OR9I1: variants seen among roughly 807,000 people sequenced by gnomAD.
The protein encoded by OR9I1 is olfactory receptor 9I1.
In OR9I1, 7 loss-of-function variants were observed where a neutral mutation model predicts 11.2. The observed-to-expected ratio is 0.62, with a 90% CI of 0.36 to 1.17. OR9I1 has a LOEUF of 1.17. Among genes scored for constraint, OR9I1 ranks in the 50% most tolerant of loss-of-function variants. OR9I1 has a pLI of 0.02. For synonymous variants in OR9I1, 165 were observed against 153.4 expected, an observed-to-expected ratio of 1.08 and a Z score of -0.56; for missense variants, 428 against 377.2, an observed-to-expected ratio of 1.13 and a Z score of -1.12.
At chr11:58,119,595 C>T in intron 2 of OR9I1, 129 bp from the exon 3 acceptor site, 2 of 590,756 alleles carry the variant, frequency 3.4e-6, no homozygotes, top group South Asian at 4.8e-5. Context: ...CTGAAACTGG[C>T]TGATTTTCCT....
chr11:58,124,380 T>C (rs1031233), intron 2 of OR9I1, 58 bp downstream of exon 2: 58,695 of 152,050 alleles, frequency 0.39, 12,331 homozygotes, highest in East Asian at 0.64. Flanking sequence ...GGAAAAAGAC[T>C]CCTCTAATTC....
intron 2 of OR9I1, among the ~76,000 whole-genome samples, chr11:58,119,942 C>T (rs1476254506): frequency 6.6e-6 from 1 of 152,166 alleles, no homozygotes; most frequent in Non-Finnish European, 1.5e-5. Context: ...ATCACTTCTT[C>T]TTATGAAAGC....
At chr11:58,122,017 A>G (rs1041597861) in intron 2 of OR9I1, among the ~76,000 whole-genome samples, 1 of 152,066 alleles carries the variant, frequency 6.6e-6, no homozygotes, top group Non-Finnish European at 1.5e-5. Flanking sequence ...CTTCCATGGG[A>G]TCCCTTTTTT....
chr11:58,118,972 A>C lies in OR9I1; in HGVS notation c.473T>G (p.Leu158Arg). The change falls in exon 3 of 3, where the codon CTG (leucine) becomes CGG (arginine). Residue 158 changes from leucine (L) to arginine (R), a missense_variant. Transcript: ENST00000641439. ...AYVCGVSGAI[L>R]RTTCTFTLSF... is the part of the protein sequence containing the mutation. ...GAGGGTGAAGGTGCAAGTGGTACGC[A>C]GGATGGCTCCTGACACCCCACAGAC... is the stretch of plus-strand genomic sequence containing the variant. 2.5e-6 allele frequency: 4 copies of C among 1,613,958 alleles called. No homozygotes were observed. The highest frequency in any genetic ancestry group is 3.4e-6 in the Non-Finnish European group (4 of 1,179,978).
intron 2 of OR9I1, among the ~76,000 whole-genome samples, chr11:58,123,979 T>G (rs1854063000): frequency 1.3e-5 from 2 of 152,194 alleles, no homozygotes; most frequent in Admixed American, 1.3e-4. Context: ...GAACCTCAAT[T>G]TTTTCAATAA....
chr11:58,121,052 A>G (rs1484669235), intron 2 of OR9I1, among the ~76,000 whole-genome samples: 1 of 152,106 alleles, frequency 6.6e-6, no homozygotes, highest in Admixed American at 6.6e-5. Flanking sequence ...ATGACTATGT[A>G]CATGCCATAC....
At chr11:58,123,320 G>T (rs536165607) in intron 2 of OR9I1, among the ~76,000 whole-genome samples, 1 of 152,124 alleles carries the variant, frequency 6.6e-6, no homozygotes, top group African/African-American at 2.4e-5. Flanking sequence ...TTCAAATCAT[G>T]AGATAACTTG....
At position 58,116,964 on chromosome 11, in the gene OR9I1, A is replaced by G. The variant is rs375605115; in HGVS notation, c.*1536T>C. ...ATAGATACATGCACTCCACCTTTCC[A>G]GGTAAGTACTCGTTTGTTTTATTCC... On this transcript the variant is annotated 3_prime_UTR_variant, in exon 3 of 3. Coordinates refer to ENST00000641439, the MANE Select transcript of OR9I1 (RefSeq NM_001005211.2). 1.3e-5 allele frequency: 2 copies of G among 152,190 alleles called. No homozygotes were observed. Among genetic ancestry groups the G allele is most frequent in the Non-Finnish European group, 2.9e-5 (2 of 68,034 alleles). The allele number at this position is 152,190 out of a possible 1,614,324, so 9.4% of individuals were successfully genotyped here.
In OR9I1 at chr11:58,117,764, A is replaced by G. The variant is rs940664664; in HGVS notation, c.*736T>C. The G allele has an allele frequency of 6.6e-6, 1 of 152,164 alleles. No homozygotes were observed. Among genetic ancestry groups the G allele is most frequent in the Non-Finnish European group, 1.5e-5 (1 of 68,030 alleles). 9.4% of individuals were successfully genotyped at this position (152,164 alleles called of 1,614,324 possible). On this transcript the variant is annotated 3_prime_UTR_variant, in exon 3 of 3. Coordinates refer to ENST00000641439, the MANE Select transcript of OR9I1 (RefSeq NM_001005211.2). ...CAATGTACCATGGCCTTCAGAAATG[A>G]GAGAGCTTGAGGAGACATTCCCAAA... is the stretch of plus-strand genomic sequence containing the variant.
intron 2 of OR9I1, among the ~76,000 whole-genome samples, chr11:58,122,354 C>G (rs1854042015): frequency 6.6e-6 from 1 of 152,208 alleles, no homozygotes; most frequent in East Asian, 1.9e-4. Flanking sequence ...TGGTATGGTT[C>G]AAGCTCTGTG....
Position 58,118,557 on chromosome 11 carries a change from A to G in OR9I1, c.888T>C (p.Asp296=), listed in dbSNP as rs779733614. 5.0e-5 allele frequency: 80 copies of G among 1,613,692 alleles called. No individual in the cohort carries two copies. The highest frequency in any genetic ancestry group is 6.6e-5 in the Non-Finnish European group (78 of 1,179,860). Reference sequence around the variant, plus strand: ...CGACCTTTCTGAAGGCGTCTTTTACATCTTTGTTTCTTAAGCTGTAGATCA... The same window carrying G: ...CGACCTTTCTGAAGGCGTCTTTTACGTCTTTGTTTCTTAAGCTGTAGATCA... ...NPLIYSLRNK[D]VKDAFRKVAR... Residue 296 remains aspartate, a synonymous_variant, in exon 3 of 3, where the codon GAT becomes GAC. Coordinates refer to ENST00000641439, the MANE Select transcript of OR9I1 (RefSeq NM_001005211.2).
chr11:58,120,028 G>A (rs116192459), intron 2 of OR9I1, among the ~76,000 whole-genome samples: 473 of 152,060 alleles, frequency 3.1e-3, no homozygotes, highest in African/African-American at 5.8e-3. Context: ...TATATTTTCC[G>A]TCTTACTATA....
intron 2 of OR9I1, among the ~76,000 whole-genome samples, chr11:58,120,487 A>G (rs947421765): frequency 2.6e-5 from 4 of 151,898 alleles, no homozygotes; most frequent in African/African-American, 9.7e-5. Context: ...TTTTTGGGGA[A>G]CAGTTGATAT....
In OR9I1 at chr11:58,116,823, A is replaced by C. The variant is rs1853959774; in HGVS notation, c.*1677T>G. The C allele has an allele frequency of 6.6e-6, 1 of 152,202 alleles. No homozygotes were observed. Among genetic ancestry groups the C allele is most frequent in the Non-Finnish European group, 1.5e-5 (1 of 68,040 alleles). 9.4% of individuals were successfully genotyped at this position (152,202 alleles called of 1,614,324 possible). A position where few individuals can be genotyped will look rare whatever the true frequency, so the allele number is the denominator to read the frequency against. Reference sequence around the variant, plus strand: ...ATAAAATTGTTGTTTCCATATGGAGAGGCAATGAGGATCAACTTTTCATAA... The same window carrying C: ...ATAAAATTGTTGTTTCCATATGGAGCGGCAATGAGGATCAACTTTTCATAA... On this transcript the variant is annotated 3_prime_UTR_variant, in exon 3 of 3. Transcript: ENST00000641439.
At chr11:58,119,754 C>T (rs1331889035) in intron 2 of OR9I1, among the ~76,000 whole-genome samples, 2 of 152,060 alleles carry the variant, frequency 1.3e-5, no homozygotes, top group Non-Finnish European at 2.9e-5. Context: ...TGTTCCAGTC[C>T]CATCTGGGGC....
chr11:58,123,885 C>T (rs978046489), intron 2 of OR9I1, among the ~76,000 whole-genome samples: 1 of 152,100 alleles, frequency 6.6e-6, no homozygotes, highest in African/African-American at 2.4e-5. Context: ...GTTTTTTCTT[C>T]TTTTTCTTTC....
In OR9I1 at chr11:58,119,278, T is replaced by C. The variant is rs1398229338; in HGVS notation, c.167A>G (p.Tyr56Cys). 6.2e-7 allele frequency: 1 copy of C among 1,613,946 alleles called. No individual in the cohort carries two copies. The highest frequency in any genetic ancestry group is 2.2e-5 in the East Asian group (1 of 44,812). Residue 56 changes from tyrosine to cysteine, a missense_variant, in exon 3 of 3, where the codon TAC (tyrosine) becomes TGC (cysteine). Transcript: ENST00000641439. ...IMLIQVDVKLYTPMYFFLSHL... is the reference protein window; with the variant it reads ...IMLIQVDVKLCTPMYFFLSHL... ...GCTCAGGAAGAAGTACATTGGGGTG[T>C]AGAGTTTGACATCTACTTGGATTAA...
Position 58,118,195 on chromosome 11 carries a change from G to A in OR9I1, c.*305C>T, listed in dbSNP as rs1044924908. 1 of 224,026 alleles carries A rather than the reference G, an allele frequency of 4.5e-6. No individual in the cohort carries two copies. Among genetic ancestry groups the A allele is most frequent in the East Asian group, 9.4e-5 (1 of 10,674 alleles). 13.9% of individuals were successfully genotyped at this position (224,026 alleles called of 1,614,324 possible). The stretch of plus-strand genomic sequence containing the variant: ...CAGGCATGAGTTGAGAGAGTATTGG[G>A]TTGGAATGAAATAAACTCAAGACTC... On this transcript the variant is annotated 3_prime_UTR_variant, in exon 3 of 3. Coordinates refer to ENST00000641439, the MANE Select transcript of OR9I1 (RefSeq NM_001005211.2).
intron 2 of OR9I1, among the ~76,000 whole-genome samples, chr11:58,121,085 T>C (rs1213612315): frequency 1.3e-5 from 2 of 152,140 alleles, no homozygotes; most frequent in Non-Finnish European, 2.9e-5. Flanking sequence ...AATATTGTGA[T>C]TGGATACACA....
Sources: gnomAD v4.1 joint callset for allele counts (sites outside exome capture counted in the v4.1 genomes callset) on GRCh38, gnomAD v4.1.1 for gene constraint, MANE v1.5 for transcripts, NCBI Gene and HGNC (gene_info 2026-07-23, HGNC 2026-07-21) for gene names.